The following CEP128 variants were observed in gnomAD, a reference collection of about 807,000 sequenced individuals.
CEP128 encodes the protein centrosomal protein 128.
Under a neutral mutation model 156.7 loss-of-function variants are expected in CEP128, and 132 were observed. The observed-to-expected ratio is 0.84, with a 90% CI of 0.73 to 0.97. CEP128 has a LOEUF of 0.97. Ranked by LOEUF, CEP128 falls within the 50% of genes least tolerant of loss-of-function variation. CEP128 has a pLI of 0.00. For missense variants in CEP128, 1,252 were observed against 1,281.9 expected, an observed-to-expected ratio of 0.98 and a Z score of 0.36; for synonymous variants, 469 against 448.9, an observed-to-expected ratio of 1.04 and a Z score of -0.57.
At chr14:80,510,882 C>A (rs1888214095) in intron 23 of CEP128, among the ~76,000 whole-genome samples, 1 of 151,350 alleles carries the variant, frequency 6.6e-6, no homozygotes, top group African/African-American at 2.4e-5. Context: ...TGGATTTTGT[C>A]CTTCATTCTA....
intron 18 of CEP128, among the ~76,000 whole-genome samples, chr14:80,746,599 C>T (rs1434553300): frequency 2.0e-5 from 3 of 152,122 alleles, no homozygotes; most frequent in African/African-American, 7.2e-5. Context: ...CAAAAAGGAT[C>T]ACAGATCTAA....
In CEP128 at chr14:80,573,709, G is replaced by A. The variant is rs189781247; in HGVS notation, c.2856+6665C>T. On this transcript the variant is annotated intron_variant, in intron 20 of 24. Transcript: ENST00000555265. ...TAAATTGAAGGGTGTAAACCTAATT[G>A]GCTGAGAACCTGTTTGACCCCAAGG... is the stretch of plus-strand genomic sequence containing the variant. Among the ~76,000 whole-genome samples, 13 of 152,176 alleles carry A rather than the reference G, an allele frequency of 8.5e-5. No individual in the cohort carries two copies. In the East Asian group the frequency reaches 2.3e-3, roughly 27 times the overall value.
intron 20 of CEP128, among the ~76,000 whole-genome samples, chr14:80,574,353 C>T (rs1364166691): frequency 2.6e-5 from 4 of 152,140 alleles, no homozygotes; most frequent in African/African-American, 9.7e-5. Context: ...TACCTGCAAT[C>T]TCTAAAAGTA....
At chr14:80,592,417 T>C (rs1892115892) in intron 19 of CEP128, among the ~76,000 whole-genome samples, 1 of 152,140 alleles carries the variant, frequency 6.6e-6, no homozygotes, top group Non-Finnish European at 1.5e-5. Flanking sequence ...AATGGATAAA[T>C]TCCTGGACAC....
chr14:80,617,219 CTTTTTTTTTTTTTTTTTT>C (rs3069115), intron 19 of CEP128, among the ~76,000 whole-genome samples: 2 of 60,226 alleles, frequency 3.3e-5, no homozygotes, highest in East Asian at 5.8e-4. Flanking sequence ...TGAATATCAT[CTTTTTTTTTTTTTTTTTT>C]TTTTTTTTTT....
chr14:80,871,033 T>C (rs1238786279), intron 8 of CEP128, among the ~76,000 whole-genome samples: 1 of 151,542 alleles, frequency 6.6e-6, no homozygotes, highest in African/African-American at 2.4e-5. Flanking sequence ...ATGAAAGATT[T>C]GTACTCTGAA....
chr14:80,494,028 G>C (rs535616633), downstream of CEP128, among the ~76,000 whole-genome samples: 2 of 152,262 alleles, frequency 1.3e-5, no homozygotes, highest in Non-Finnish European at 2.9e-5. Context: ...GATGTGTCGT[G>C]TTTTGTAAGG....
intron 20 of CEP128, among the ~76,000 whole-genome samples, chr14:80,575,595 A>G (rs745488697): frequency 2.0e-5 from 3 of 152,124 alleles, no homozygotes; most frequent in Non-Finnish European, 4.4e-5. Context: ...TGACTTGTTT[A>G]TTGCTTTATC....
chr14:80,584,700 G>A lies in CEP128; in HGVS notation c.2807-4277C>T, dbSNP rs560259898. 1.3e-3 allele frequency among the ~76,000 whole-genome samples: 192 copies of A among 152,282 alleles called. 1 individual carries two copies. The highest frequency in any genetic ancestry group is 4.4e-3 in the African/African-American group (184 of 41,556). On this transcript the variant is annotated intron_variant, in intron 19 of 24. Transcript: ENST00000555265. ...AGACAAAACACAAGAGAATATAGGTGAGACCCCTAGATAGTTAAAGTGACT... is the reference window on the plus strand; with the variant it reads ...AGACAAAACACAAGAGAATATAGGTAAGACCCCTAGATAGTTAAAGTGACT...
At chr14:80,541,443 TAAAAAA>T (rs35523389) in intron 21 of CEP128, among the ~76,000 whole-genome samples, 4 of 109,936 alleles carry the variant, frequency 3.6e-5, no homozygotes, top group Admixed American at 9.4e-5. Context: ...ATGACTGTGT[TAAAAAA>T]AAAAAAAAAA....
intron 19 of CEP128, among the ~76,000 whole-genome samples, chr14:80,673,299 C>T (rs1595189860): frequency 6.6e-6 from 1 of 152,252 alleles, no homozygotes; most frequent in South Asian, 2.1e-4. Context: ...ATTATCATTT[C>T]TTGCCTCAGT....
chr14:80,584,153 TTTTTTTTTTTG>T lies in CEP128; in HGVS notation c.2807-3741_2807-3731del, dbSNP rs983473583. Among the ~76,000 whole-genome samples the T allele has an allele frequency of 4.0e-4, 46 of 114,366 alleles. 1 individual carries two copies. The South Asian group carries it at 0.013, about 33-fold the overall frequency. 75.0% of individuals were successfully genotyped at this position (114,366 alleles called of 152,430 possible). A position where few individuals can be genotyped will look rare whatever the true frequency, so the allele number is the denominator to read the frequency against. On this transcript the variant is annotated intron_variant, in intron 19 of 24. Transcript: ENST00000555265. ...GGGCGTCCGTGACATTTTTTTTTTT[TTTTTTTTTTTG>T]TTTGACAGCGTCTCATCCGATGCCC...
chr14:80,505,620 T>A (rs1434997060), intron 23 of CEP128, among the ~76,000 whole-genome samples: 1 of 152,222 alleles, frequency 6.6e-6, no homozygotes, highest in African/African-American at 2.4e-5. Flanking sequence ...AATAAATATT[T>A]ACTAAATGAA....
rs1566837801 is a variant in CEP128 at position 80,656,282 on chromosome 14, TATATATATTTATATATATA to T, written c.2807-75878_2807-75860del. On this transcript the variant is annotated intron_variant, in intron 19 of 24. Transcript: ENST00000555265. ...CTCAATAAACCTAAGTTTTTATTTATATATATATTTATATATATATATATATATATATATATATATATAT... is the reference window on the plus strand; with the variant it reads ...CTCAATAAACCTAAGTTTTTATTTATTATATATATATATATATATATATAT... Among the ~76,000 whole-genome samples the T allele has an allele frequency of 5.0e-3, 37 of 7,336 alleles. 1 individual carries two copies. The highest frequency in any genetic ancestry group is 0.026 in the African/African-American group (37 of 1,410). The allele number at this position is 7,336 out of a possible 152,430, so 4.8% of individuals were successfully genotyped here.
Position 80,863,097 on chromosome 14 carries a change from A to T in CEP128, c.646-224T>A, listed in dbSNP as rs142721402. Among the ~76,000 whole-genome samples the T allele has an allele frequency of 4.6e-5, 7 of 152,326 alleles. No homozygotes were observed. In the East Asian group the frequency reaches 1.2e-3, roughly 25 times the overall value. ...TGATCTCCAAATAATCGACACCTGGATCCCAATAAATGCCTCAAATTTTTT... is the reference window on the plus strand; with the variant it reads ...TGATCTCCAAATAATCGACACCTGGTTCCCAATAAATGCCTCAAATTTTTT... On this transcript the variant is annotated intron_variant, in intron 8 of 24. Transcript: ENST00000555265.
intron 16 of CEP128, among the ~76,000 whole-genome samples, chr14:80,771,852 A>C (rs562098265): frequency 6.6e-6 from 1 of 152,228 alleles, no homozygotes; most frequent in Non-Finnish European, 1.5e-5. Flanking sequence ...TGATCAATGG[A>C]AAGAACAGGA....
chr14:80,672,056 T>C (rs1895864696), intron 19 of CEP128, among the ~76,000 whole-genome samples: 1 of 152,162 alleles, frequency 6.6e-6, no homozygotes, highest in Non-Finnish European at 1.5e-5. Context: ...ATTCTGACCT[T>C]GAAGACTGGG....
chr14:80,831,405 T>C (rs1885791049), intron 12 of CEP128, 111 bp from the exon 13 acceptor site: 1 of 1,143,116 alleles, frequency 8.7e-7, no homozygotes, highest in Non-Finnish European at 1.2e-6. Flanking sequence ...ATAATCCATT[T>C]ATTGACAGTT....
At chr14:80,796,318 G>A (rs1883472800) in intron 13 of CEP128, among the ~76,000 whole-genome samples, 1 of 152,214 alleles carries the variant, frequency 6.6e-6, no homozygotes, top group East Asian at 1.9e-4. Context: ...AAATTAGCTG[G>A]GTATGGTGGC....
Sources: gnomAD v4.1 joint callset for allele counts (sites outside exome capture counted in the v4.1 genomes callset) on GRCh38, gnomAD v4.1.1 for gene constraint, MANE v1.5 for transcripts, NCBI Gene and HGNC (gene_info 2026-07-23, HGNC 2026-07-21) for gene names.